SEH1L: variants seen among roughly 807,000 people sequenced by gnomAD.
SEH1L encodes the protein SEH1 like nucleoporin.
In SEH1L, 18 loss-of-function variants were observed where a neutral mutation model predicts 49.5. The ratio of observed to expected loss-of-function variants is 0.36; its 90% CI spans 0.25 to 0.54. The LOEUF is 0.54. Ranked by LOEUF, SEH1L falls within the 20% of genes least tolerant of loss-of-function variation. The pLI, the probability that SEH1L is intolerant of heterozygous loss-of-function variation, is 0.87. For synonymous variants in SEH1L, 169 were observed against 178.1 expected (o/e 0.95, Z 0.41); for missense variants, 404 against 528.8 (o/e 0.76, Z 2.31).
Position 12,987,158 on chromosome 18 carries a change from C to T in SEH1L, c.*101C>T, listed in dbSNP as rs2032497551. 2 of 868,118 alleles carry T rather than the reference C, an allele frequency of 2.3e-6. No homozygotes were observed. The highest frequency in any genetic ancestry group is 3.5e-4 in the Middle Eastern group (1 of 2,888). 53.8% of individuals were successfully genotyped at this position (868,118 alleles called of 1,614,324 possible). A position where few individuals can be genotyped will look rare whatever the true frequency, so the allele number is the denominator to read the frequency against. On this transcript the variant is annotated 3_prime_UTR_variant, in exon 9 of 9. Coordinates refer to ENST00000399892, the MANE Select transcript of SEH1L (RefSeq NM_001013437.2). ...ATTTTCTTTCAGAAGATTTTTCTAA[C>T]TTAGGGTCTGTCTTGCATGTATTAC... is the stretch of plus-strand genomic sequence containing the variant.
intron 4 of SEH1L, among the ~76,000 whole-genome samples, chr18:12,968,130 T>C (rs2031534724): frequency 6.6e-6 from 1 of 152,210 alleles, no homozygotes; most frequent in South Asian, 2.1e-4. Context: ...CTTATTTATA[T>C]TTATGAGTGA....
intron 7 of SEH1L, chr18:12,982,939 C>T (rs1226571008): frequency 7.2e-6 from 2 of 277,482 alleles, no homozygotes; most frequent in African/African-American, 4.5e-5. Context: ...AAAAAGATAC[C>T]AGTTGTCATA....
intron 3 of SEH1L, among the ~76,000 whole-genome samples, chr18:12,961,105 T>A (rs552411038): frequency 1.3e-5 from 2 of 152,226 alleles, no homozygotes; most frequent in Admixed American, 6.5e-5. Context: ...GCAGTCCGCA[T>A]GTGCAGTGGC....
chr18:12,949,441 CGTTTTTTT>C (rs1350856447), intron 1 of SEH1L, among the ~76,000 whole-genome samples: 5 of 85,436 alleles, frequency 5.9e-5, no homozygotes, highest in Non-Finnish European at 1.2e-4. Flanking sequence ...CTACGTTAAC[CGTTTTTTT>C]TTTTTTTTTT....
chr18:12,969,764 C>T (rs2031615886), intron 4 of SEH1L, among the ~76,000 whole-genome samples: 1 of 150,592 alleles, frequency 6.6e-6, no homozygotes, highest in Non-Finnish European at 1.5e-5. Context: ...TGGTGGTTCA[C>T]GCCTGTAATC....
Position 12,986,875 on chromosome 18 carries a change from C to A in SEH1L, c.1084C>A (p.Pro362Thr). ...GSSAGRYFFTPLDSPRAGSRW... is the reference protein window; with the variant it reads ...GSSAGRYFFTTLDSPRAGSRW... ...TCATTGTTTCAGGTATTTCTTTACC[C>A]CTCTGGATTCCCCACGGGCTGGATC... Residue 362 changes from proline to threonine, a missense_variant, in exon 9 of 9, where the codon CCT becomes ACT. Transcript: ENST00000399892. 6.3e-7 allele frequency: 1 copy of A among 1,593,082 alleles called. No individual in the cohort carries two copies. Among genetic ancestry groups the A allele is most frequent in the Non-Finnish European group, 8.6e-7 (1 of 1,167,524 alleles).
At chr18:12,964,976 T>A (rs2031371488) in intron 4 of SEH1L, among the ~76,000 whole-genome samples, 1 of 148,932 alleles carries the variant, frequency 6.7e-6, no homozygotes, top group South Asian at 2.1e-4. Context: ...GTTTATTGCT[T>A]CCCCCTCACA....
intron 6 of SEH1L, among the ~76,000 whole-genome samples, chr18:12,980,944 C>A (rs958319670): frequency 1.4e-5 from 2 of 145,118 alleles, no homozygotes; most frequent in Admixed American, 1.4e-4. Context: ...CCCTCCCGGA[C>A]GGGGTGGCTG....
chr18:12,982,454 TG>T (rs1216821084), intron 6 of SEH1L, 63 bp from the exon 7 acceptor site: 1 of 1,117,820 alleles, frequency 8.9e-7, no homozygotes, highest in Non-Finnish European at 1.3e-6. Context: ...TATATATGTG[TG>T]TGTATATATA....
intron 4 of SEH1L, among the ~76,000 whole-genome samples, chr18:12,965,962 A>G (rs1159566593): frequency 6.6e-6 from 1 of 152,146 alleles, no homozygotes; most frequent in Non-Finnish European, 1.5e-5. Flanking sequence ...AGCTACAGTA[A>G]CCCAAAGCTG....
rs182507434 is a variant in SEH1L, at chr18:12,968,878, C to T, written c.522-2275C>T. Among the ~76,000 whole-genome samples, 3 of 152,140 alleles carry T rather than the reference C, an allele frequency of 2.0e-5. No individual in the cohort carries two copies. The East Asian group carries it at 5.8e-4, about 29-fold the overall frequency. ...TTCTGGTTGTACAATTGAGGTAATCCTCAATTCAGGTTGCTGTCTGGACAT... is the reference window on the plus strand; with the variant it reads ...TTCTGGTTGTACAATTGAGGTAATCTTCAATTCAGGTTGCTGTCTGGACAT... On this transcript the variant is annotated intron_variant, in intron 4 of 8. Coordinates refer to ENST00000399892, the MANE Select transcript of SEH1L (RefSeq NM_001013437.2).
At chr18:12,969,588 C>T (rs1343613024) in intron 4 of SEH1L, among the ~76,000 whole-genome samples, 4 of 151,320 alleles carry the variant, frequency 2.6e-5, no homozygotes, top group African/African-American at 4.9e-5. Flanking sequence ...CTTGGGAGGC[C>T]GAGGCACGAG....
intron 4 of SEH1L, among the ~76,000 whole-genome samples, chr18:12,967,819 C>G (rs1046118253): frequency 1.3e-5 from 2 of 151,882 alleles, no homozygotes; most frequent in Admixed American, 1.3e-4. Context: ...GAGGCTGAGG[C>G]AGGAGAATCG....
rs1682571185 is a variant in SEH1L at position 12,948,028 on chromosome 18, C to G, written c.-94C>G. 1 of 875,262 alleles carries G rather than the reference C, an allele frequency of 1.1e-6. No homozygotes were observed. Among genetic ancestry groups the G allele is most frequent in the Non-Finnish European group, 1.8e-6 (1 of 563,072 alleles). 54.2% of individuals were successfully genotyped at this position (875,262 alleles called of 1,614,324 possible). A position where few individuals can be genotyped will look rare whatever the true frequency, so the allele number is the denominator to read the frequency against. On this transcript the variant is annotated 5_prime_UTR_variant, in exon 1 of 9. Coordinates refer to ENST00000399892, the MANE Select transcript of SEH1L (RefSeq NM_001013437.2). ...GCGTGGGCAGCACAAGCCGTGCGCT[C>G]CCGGGCTGCGAGGTCTGGCTAGGCT...
intron 6 of SEH1L, among the ~76,000 whole-genome samples, chr18:12,981,849 C>CTTT (rs1467685892): frequency 0.12 from 12,071 of 101,896 alleles, 1,782 homozygotes; most frequent in Middle Eastern, 0.17. Context: ...CTGCCCTGCC[C>CTTT]ATTTTTTTTT....
intron 7 of SEH1L, 96 bp from the exon 8 acceptor site, chr18:12,983,944 C>T (rs1381058622): frequency 2.4e-6 from 2 of 846,620 alleles, no homozygotes; most frequent in East Asian, 2.5e-5. Context: ...GCCTCTGTCT[C>T]GTTTCTTTAA....
intron 3 of SEH1L, among the ~76,000 whole-genome samples, 183 bp from the exon 4 acceptor site, chr18:12,962,977 C>T (rs905167275): frequency 2.6e-5 from 4 of 151,826 alleles, no homozygotes; most frequent in African/African-American, 9.7e-5. Context: ...TAGTGATTCC[C>T]AGCTATATAT....
chr18:12,965,633 A>T (rs941893503), intron 4 of SEH1L, among the ~76,000 whole-genome samples: 1 of 152,232 alleles, frequency 6.6e-6, no homozygotes, highest in African/African-American at 2.4e-5. Flanking sequence ...ACTAGGTTTT[A>T]TTAACGAGCT....
intron 3 of SEH1L, among the ~76,000 whole-genome samples, chr18:12,957,473 C>T (rs1201389136): frequency 2.6e-5 from 4 of 151,944 alleles, no homozygotes; most frequent in Non-Finnish European, 5.9e-5. Context: ...CTGCTTTTAT[C>T]GCTGTCTTTG....
Sources: allele counts gnomAD v4.1 joint callset (sites outside exome capture counted in the v4.1 genomes callset), GRCh38; gene constraint gnomAD v4.1.1; transcripts MANE v1.5; gene names NCBI Gene and HGNC (gene_info 2026-07-23, HGNC 2026-07-21).